CCND3: variants seen among roughly 807,000 people sequenced by gnomAD.
The protein encoded by CCND3 is G1/S-specific cyclin-D3.
Under a neutral mutation model 28.7 loss-of-function variants are expected in CCND3, and 9 were observed. The observed-to-expected ratio is 0.31, with a 90% CI of 0.19 to 0.55. The LOEUF is 0.55. CCND3 is among the 20% of genes least tolerant of loss of function. The pLI, the probability that CCND3 is intolerant of heterozygous loss-of-function variation, is 0.93. For missense variants in CCND3, 315 were observed against 385.8 expected (o/e 0.82, Z 1.54); for synonymous variants, 164 against 163.9 (o/e 1.00, Z 0.00).
chr6:41,977,187 A>G (rs1332735393), intron 1 of CCND3, among the ~76,000 whole-genome samples: 1 of 152,160 alleles, frequency 6.6e-6, no homozygotes, highest in Non-Finnish European at 1.5e-5. Context: ...CATACTTCCC[A>G]GAAATTTACA....
chr6:41,940,434 G>C lies in CCND3; in HGVS notation c.350C>G (p.Thr117Arg). The C allele has an allele frequency of 3.1e-6, 5 of 1,613,896 alleles. No homozygotes were observed. The highest frequency in any genetic ancestry group is 4.2e-6 in the Non-Finnish European group (5 of 1,179,984). ...MLLASKLRET[T>R]PLTIEKLCIY... ...GCACAGTTTTTCGATGGTCAGGGGC[G>C]TGGTCTCGCGCAGCTTGGAGGCCAG... Residue 117 changes from threonine to arginine, a missense_variant, in exon 2 of 5, where the codon ACG becomes AGG. By Grantham distance (71) the Thr-to-Arg change is moderately conservative. Transcript: ENST00000372991.
chr6:42,029,350 A>G (rs960792344), intron 1 of CCND3, among the ~76,000 whole-genome samples: 2 of 152,104 alleles, frequency 1.3e-5, no homozygotes, highest in Non-Finnish European at 2.9e-5. Context: ...AGTCCTGGCT[A>G]TTATTAACAT....
At chr6:42,000,326 G>A (rs547324339) in intron 1 of CCND3, among the ~76,000 whole-genome samples, 1 of 122,282 alleles carries the variant, frequency 8.2e-6, no homozygotes, top group Admixed American at 1.1e-4. Flanking sequence ...TGCAAGCTCC[G>A]CCTCTCGGGT....
intron 1 of CCND3, among the ~76,000 whole-genome samples, chr6:41,973,763 T>C (rs1032898161): frequency 3.3e-5 from 5 of 152,252 alleles, no homozygotes; most frequent in Admixed American, 2.0e-4. Context: ...TTCTAATAGC[T>C]GTACAATCAT....
rs191643514 is a variant in CCND3 at position 42,045,568 on chromosome 6, G to A, written c.-46+2933C>T. ...CTTTGGGGAAGAGAAAAGTGAAGGG[G>A]CCAAAGAAGAGACTTTCTGGAATTA... On this transcript the variant is annotated intron_variant, in intron 1 of 4. Transcript: ENST00000372988. 7.6e-4 allele frequency among the ~76,000 whole-genome samples: 116 copies of A among 152,304 alleles called. 1 individual carries two copies. Among genetic ancestry groups the A allele is most frequent in the Middle Eastern group, 3.4e-3 (1 of 294 alleles).
At chr6:41,940,668 G>A in intron 1 of CCND3, 83 bp from the exon 2 acceptor site, 1 of 993,292 alleles carries the variant, frequency 1.0e-6, no homozygotes, top group Admixed American at 1.8e-5. Flanking sequence ...AAGTGAGGTG[G>A]GATAGGGAGC....
At chr6:41,976,307 TCAC>T (rs1762183674) in intron 1 of CCND3, among the ~76,000 whole-genome samples, 1 of 150,978 alleles carries the variant, frequency 6.6e-6, no homozygotes, top group Admixed American at 6.6e-5. Flanking sequence ...AGCTGAGATC[TCAC>T]CACTGCACTC....
intron 1 of CCND3, among the ~76,000 whole-genome samples, chr6:41,997,695 C>G (rs1448123819): frequency 6.6e-6 from 1 of 151,954 alleles, no homozygotes; most frequent in Non-Finnish European, 1.5e-5. Flanking sequence ...AGTTTAAGAC[C>G]AGCCCCGGCA....
chr6:42,024,174 C>T (rs972872710), intron 1 of CCND3, among the ~76,000 whole-genome samples: 6 of 151,776 alleles, frequency 4.0e-5, no homozygotes, highest in East Asian at 1.9e-4. Flanking sequence ...GAGGCCGAGG[C>T]AGGTGGATCA....
intron 1 of CCND3, among the ~76,000 whole-genome samples, chr6:41,950,702 C>CT (rs888575063): frequency 8.3e-5 from 12 of 145,388 alleles, no homozygotes; most frequent in South Asian, 2.2e-4. Context: ...AGAAGACTCC[C>CT]TTTTTTTTTT....
intron 1 of CCND3, among the ~76,000 whole-genome samples, chr6:41,982,564 G>A (rs79716025): frequency 0.028 from 4,320 of 152,216 alleles, 195 homozygotes; most frequent in African/African-American, 0.096. Context: ...TGATTTTGCA[G>A]GTAGTGACAA....
chr6:41,967,140 C>T (rs968811749), intron 1 of CCND3, among the ~76,000 whole-genome samples: 10 of 152,088 alleles, frequency 6.6e-5, no homozygotes, highest in Non-Finnish European at 1.3e-4. Flanking sequence ...TTTTCTTTGT[C>T]TCACCTCTGG....
chr6:41,936,834 G>T lies in CCND3; in HGVS notation c.575-139C>A. 1.3e-6 allele frequency: 1 copy of T among 799,560 alleles called. No individual in the cohort carries two copies. The highest frequency in any genetic ancestry group is 2.0e-6 in the Non-Finnish European group (1 of 505,516). 49.5% of individuals were successfully genotyped at this position (799,560 alleles called of 1,614,324 possible). ...CTGGAAAACTCCAGCAGTGGGTGGG[G>T]CAAGATATCAGCAAGGGAGGAAGAC... is the stretch of plus-strand genomic sequence containing the variant. On this transcript the variant is annotated intron_variant, in intron 3 of 4. Coordinates refer to ENST00000372991, the MANE Select transcript of CCND3 (RefSeq NM_001760.5). This position sits in a 1 kb window ranked among gnomAD's most constrained non-coding sequence, Gnocchi z 4.4.
At chr6:41,956,718 C>T (rs1394227829) in intron 1 of CCND3, among the ~76,000 whole-genome samples, 1 of 152,078 alleles carries the variant, frequency 6.6e-6, no homozygotes, top group Non-Finnish European at 1.5e-5. Flanking sequence ...CTTAAGATAG[C>T]CCTAATTGTT....
rs2127389980 is a variant in CCND3, at chr6:41,936,163, C to T, written c.712-56G>A. ...ACACTCCCCCCATAGCATCTGGCAG[C>T]AGGTGCAGGGGAAGGACAGCTCCCA... On this transcript the variant is annotated intron_variant, in intron 4 of 4. Coordinates refer to ENST00000372991, the MANE Select transcript of CCND3 (RefSeq NM_001760.5). This position sits in a 1 kb window ranked among gnomAD's most constrained non-coding sequence, Gnocchi z 4.4. The T allele has an allele frequency of 1.3e-6, 2 of 1,514,570 alleles. No individual in the cohort carries two copies. Among genetic ancestry groups the T allele is most frequent in the Non-Finnish European group, 1.8e-6 (2 of 1,129,156 alleles). The allele number at this position is 1,514,570 out of a possible 1,614,324, so 93.8% of individuals were successfully genotyped here.
chr6:41,998,849 T>C (rs1164982354), intron 1 of CCND3, among the ~76,000 whole-genome samples: 2 of 151,010 alleles, frequency 1.3e-5, no homozygotes, highest in Non-Finnish European at 2.9e-5. Flanking sequence ...CTGGTTAATT[T>C]TGTATTTTTA....
At chr6:41,964,373 TGTGTGTGA>T (rs1198699299) in intron 1 of CCND3, among the ~76,000 whole-genome samples, 12 of 97,894 alleles carry the variant, frequency 1.2e-4, no homozygotes, top group African/African-American at 3.3e-4. Flanking sequence ...TATGTGTGAA[TGTGTGTGA>T]GTGTGTGTGT....
chr6:42,025,659 G>A (rs1240777137), intron 1 of CCND3, among the ~76,000 whole-genome samples: 1 of 152,216 alleles, frequency 6.6e-6, no homozygotes, highest in Non-Finnish European at 1.5e-5. Flanking sequence ...ACGATGGCGG[G>A]CTCAGAGGTG....
At chr6:41,995,349 C>T (rs1285460649) in intron 1 of CCND3, among the ~76,000 whole-genome samples, 11 of 152,026 alleles carry the variant, frequency 7.2e-5, no homozygotes, top group Admixed American at 3.3e-4. Flanking sequence ...CCTCCACCTC[C>T]AGGGTTCAAG....
Sources: gnomAD v4.1 joint callset for allele counts (sites outside exome capture counted in the v4.1 genomes callset) on GRCh38, gnomAD v4.1.1 for gene constraint, Gnocchi (gnomAD v3.1) non-coding constraint, MANE v1.5 for transcripts, NCBI Gene and HGNC (gene_info 2026-07-23, HGNC 2026-07-21) for gene names.